The following IL20RB variants were observed in gnomAD, a reference collection of about 807,000 sequenced individuals.
IL20RB encodes the protein interleukin-20 receptor subunit beta.
A neutral mutation model predicts 33.3 loss-of-function variants in IL20RB; 21 were observed. That is an observed-to-expected ratio of 0.63 (90% CI 0.45 to 0.91). IL20RB has a LOEUF of 0.91. Ranked by LOEUF, IL20RB falls within the 40% of genes least tolerant of loss-of-function variation. The pLI is 0.00. For missense variants in IL20RB, 345 were observed against 384.8 expected (o/e 0.90, Z 0.86); for synonymous variants, 147 against 146.8 (o/e 1.00, Z -0.01).
intron 6 of IL20RB, among the ~76,000 whole-genome samples, chr3:137,008,222 A>G (rs1932988728): frequency 6.6e-6 from 1 of 152,194 alleles, no homozygotes; most frequent in Non-Finnish European, 1.5e-5. Context: ...CATGCTTCAT[A>G]GAAAGTGGAG....
intron 6 of IL20RB, among the ~76,000 whole-genome samples, chr3:137,001,980 T>G (rs963113369): frequency 6.6e-6 from 1 of 152,164 alleles, no homozygotes; most frequent in Non-Finnish European, 1.5e-5. Flanking sequence ...TGTGTCCAAG[T>G]GATCTCATTG....
intron 6 of IL20RB, among the ~76,000 whole-genome samples, chr3:137,009,451 T>C (rs1450165693): frequency 1.3e-5 from 2 of 152,160 alleles, no homozygotes; most frequent in African/African-American, 4.8e-5. Flanking sequence ...CCTCTCTGTA[T>C]TGGGCACCAT....
intron 1 of IL20RB, among the ~76,000 whole-genome samples, chr3:136,969,702 A>G (rs1941421298): frequency 6.6e-6 from 1 of 152,054 alleles, no homozygotes; most frequent in South Asian, 2.1e-4. Flanking sequence ...TGTTCACCAG[A>G]GCTGTTCCTA....
intron 3 of IL20RB, among the ~76,000 whole-genome samples, chr3:136,986,168 G>A (rs1032829290): frequency 2.6e-5 from 4 of 151,792 alleles, no homozygotes; most frequent in African/African-American, 9.7e-5. Context: ...AGCCAAGATC[G>A]GGCCACTGCA....
At chr3:136,989,718 C>T (rs1210658486) in intron 4 of IL20RB, among the ~76,000 whole-genome samples, 153 bp downstream of exon 4, 1 of 152,164 alleles carries the variant, frequency 6.6e-6, no homozygotes, top group African/African-American at 2.4e-5. Flanking sequence ...GCTGACCACC[C>T]CATCAGCCTC....
At chr3:137,007,102 G>T (rs554693571) in intron 6 of IL20RB, among the ~76,000 whole-genome samples, 1 of 152,322 alleles carries the variant, frequency 6.6e-6, no homozygotes, top group South Asian at 2.1e-4. Flanking sequence ...AGTGGGGGCT[G>T]TAGAACAGCA....
At chr3:136,985,229 G>A (rs1184241466) in intron 3 of IL20RB, among the ~76,000 whole-genome samples, 2 of 152,000 alleles carry the variant, frequency 1.3e-5, no homozygotes, top group Non-Finnish European at 2.9e-5. Context: ...AGGGCATTAA[G>A]TTTGTCCTCT....
At chr3:136,979,308 C>G (rs112251652) in intron 1 of IL20RB, among the ~76,000 whole-genome samples, 2 of 152,134 alleles carry the variant, frequency 1.3e-5, no homozygotes, top group Non-Finnish European at 2.9e-5. Flanking sequence ...GGTGGGGTGT[C>G]CCCAGCAGCC....
rs116652192 is a variant in IL20RB, at chr3:136,988,515, G to A, written c.407-926G>A. 3.3e-3 allele frequency among the ~76,000 whole-genome samples: 505 copies of A among 152,270 alleles called. 2 individuals are homozygous for A. Among genetic ancestry groups the A allele is most frequent in the African/African-American group, 0.011 (463 of 41,544 alleles). On this transcript the variant is annotated intron_variant, in intron 3 of 6. Transcript: ENST00000329582. ...AGCACTTTGGGAGCTCGAGGTGGGC[G>A]AACTGCTTGAGTCTAGGAATTAGAG...
At chr3:137,007,801 C>A (rs1004034895) in intron 6 of IL20RB, among the ~76,000 whole-genome samples, 6 of 152,180 alleles carry the variant, frequency 3.9e-5, no homozygotes, top group Admixed American at 6.5e-5. Flanking sequence ...CACCGACTGT[C>A]CAACCAGTCC....
chr3:136,998,062 G>GC lies in IL20RB; in HGVS notation c.825+2508dup, dbSNP rs1942166063. ...TGGGATAACAGGTGTGAGCCACTGT[G>GC]CCTGGCCTCCATTAACATTTAATAT... On this transcript the variant is annotated intron_variant, in intron 6 of 6. Transcript: ENST00000329582. Among the ~76,000 whole-genome samples the GC allele has an allele frequency of 2.0e-5, 3 of 151,328 alleles. 1 individual carries two copies. The highest frequency in any genetic ancestry group is 2.0e-4 in the Admixed American group (3 of 15,176).
chr3:137,007,814 A>G (rs183484977), intron 6 of IL20RB, among the ~76,000 whole-genome samples: 18 of 152,236 alleles, frequency 1.2e-4, no homozygotes, highest in South Asian at 2.1e-4. Flanking sequence ...ACCAGTCCCA[A>G]TGAGATGAAC....
Position 136,998,753 on chromosome 3 carries a change from G to A in IL20RB, c.825+3197G>A, listed in dbSNP as rs1202793750. Among the ~76,000 whole-genome samples the A allele has an allele frequency of 3.9e-5, 6 of 151,946 alleles. No individual in the cohort carries two copies. The East Asian group carries it at 9.6e-4, about 24-fold the overall frequency. On this transcript the variant is annotated intron_variant, in intron 6 of 6. Coordinates refer to ENST00000329582, the MANE Select transcript of IL20RB (RefSeq NM_144717.4). Reference sequence around the variant, plus strand: ...GCCCAGGCTAGTCTGGAACTCCTGGGCTTAAACAATCCTCTTTCTTGGCCT... The same window carrying A: ...GCCCAGGCTAGTCTGGAACTCCTGGACTTAAACAATCCTCTTTCTTGGCCT...
intron 1 of IL20RB, among the ~76,000 whole-genome samples, chr3:136,972,082 T>C (rs1941500186): frequency 6.6e-6 from 1 of 152,236 alleles, no homozygotes; most frequent in Non-Finnish European, 1.5e-5. Context: ...ATTTCTCTGA[T>C]GGTTAGTGAT....
Position 137,003,896 on chromosome 3 carries a change from G to A in IL20RB, c.826-6217G>A, listed in dbSNP as rs188152789. On this transcript the variant is annotated intron_variant, in intron 6 of 6. Transcript: ENST00000329582. Reference sequence around the variant, plus strand: ...CCATTCAGTATGATATTGGGTGTGGGTTTGTCATAAATAGCTCTTATTATT... The same window carrying A: ...CCATTCAGTATGATATTGGGTGTGGATTTGTCATAAATAGCTCTTATTATT... Among the ~76,000 whole-genome samples the A allele has an allele frequency of 3.3e-5, 5 of 152,274 alleles. No individual in the cohort carries two copies. The East Asian group carries it at 9.6e-4, about 29-fold the overall frequency.
At chr3:136,985,381 A>G (rs559141400) in intron 3 of IL20RB, among the ~76,000 whole-genome samples, 1 of 142,122 alleles carries the variant, frequency 7.0e-6, no homozygotes, top group Non-Finnish European at 1.5e-5. Flanking sequence ...CTTGTTGCCC[A>G]GGCTGGAGTG....
chr3:136,988,101 G>C (rs1051898342), intron 3 of IL20RB, among the ~76,000 whole-genome samples: 4 of 152,214 alleles, frequency 2.6e-5, no homozygotes, highest in Admixed American at 6.5e-5. Context: ...CAGAGGACGC[G>C]CCCAGAGTGA....
At chr3:136,980,692 G>A in intron 2 of IL20RB, 100 bp downstream of exon 2, 1 of 1,222,390 alleles carries the variant, frequency 8.2e-7, no homozygotes, top group South Asian at 1.3e-5. Flanking sequence ...TTGAGTCCAG[G>A]GATAGATTAT....
At chr3:136,962,356 G>A (rs1941243187) in intron 1 of IL20RB, among the ~76,000 whole-genome samples, 1 of 152,146 alleles carries the variant, frequency 6.6e-6, no homozygotes, top group Non-Finnish European at 1.5e-5. Flanking sequence ...TACTCCCTGT[G>A]AGTGTCTGGA....
Sources: allele counts gnomAD v4.1 joint callset (sites outside exome capture counted in the v4.1 genomes callset), GRCh38; gene constraint gnomAD v4.1.1; transcripts MANE v1.5; gene names NCBI Gene and HGNC (gene_info 2026-07-23, HGNC 2026-07-21).